WDR44: variants seen among roughly 807,000 people sequenced by gnomAD.
The protein encoded by WDR44 is WD repeat-containing protein 44.
In WDR44, 9 loss-of-function variants were observed where a neutral mutation model predicts 65.7. The observed-to-expected ratio is 0.14, with a 90% confidence interval of 0.08 to 0.24. The LOEUF (loss-of-function observed/expected upper bound fraction) is 0.24, where lower values mean the gene tolerates loss of function less well. WDR44 is among the 10% of genes least tolerant of loss of function. The pLI is 1.00. For missense variants in WDR44, 425 were observed against 670.9 expected (o/e 0.63, Z 4.05); for synonymous variants, 220 against 235.2 (o/e 0.94, Z 0.59).
intron 19 of WDR44, among the ~76,000 whole-genome samples, chrX:118,445,488 A>G (rs2057338395): frequency 8.9e-6 from 1 of 112,087 alleles, no homozygotes; most frequent in Admixed American, 9.5e-5. Context: ...ATGCTTGCCT[A>G]CACATAGTAG....
In WDR44 at chrX:118,389,380, C is replaced by G. The variant is rs777378533; in HGVS notation, c.186+1966C>G. Among the ~76,000 whole-genome samples, 7 of 111,695 alleles carry G rather than the reference C, an allele frequency of 6.3e-5. No individual in the cohort carries two copies. The South Asian group carries it at 2.6e-3, about 42-fold the overall frequency. On this transcript the variant is annotated intron_variant, in intron 3 of 19. Transcript: ENST00000254029. The stretch of plus-strand genomic sequence containing the variant: ...TTGGGGGTAGGAATGAAGATGACTT[C>G]ATGGAGGAGGTAGCATCTGAGCTGG...
At chrX:118,445,999 C>G (rs1569388822) in intron 19 of WDR44, among the ~76,000 whole-genome samples, 1 of 102,234 alleles carries the variant, frequency 9.8e-6, no homozygotes. Context: ...CACTGCACTC[C>G]AGCCTGGTGA....
intron 12 of WDR44, among the ~76,000 whole-genome samples, chrX:118,424,553 T>A (rs755386160): frequency 1.8e-5 from 2 of 108,641 alleles, no homozygotes; most frequent in African/African-American, 3.4e-5. Context: ...AATTTTGGGG[T>A]TTTTGACATT....
intron 12 of WDR44, among the ~76,000 whole-genome samples, chrX:118,425,357 G>A (rs1038626789): frequency 8.9e-6 from 1 of 112,126 alleles, no homozygotes; most frequent in Non-Finnish European, 1.9e-5. Context: ...CAAACTATAA[G>A]AAGATAAGGA....
At chrX:118,378,786 C>T (rs1385181988) in intron 2 of WDR44, among the ~76,000 whole-genome samples, 8 of 104,329 alleles carry the variant, frequency 7.7e-5, no homozygotes, top group Non-Finnish European at 1.9e-5. Flanking sequence ...GTAATCTCAA[C>T]ACATTGGGGG....
At chrX:118,442,471 T>C in intron 16 of WDR44, 94 bp from the exon 17 acceptor site, 1 of 915,363 alleles carries the variant, frequency 1.1e-6, no homozygotes, top group Non-Finnish European at 1.6e-6. Flanking sequence ...TTTTGAGGTA[T>C]ATTAGTTTGT....
intron 1 of WDR44, among the ~76,000 whole-genome samples, chrX:118,375,078 T>C (rs2056645686): frequency 8.9e-6 from 1 of 112,045 alleles, no homozygotes; most frequent in South Asian, 3.7e-4. Context: ...TTTCCATGTG[T>C]GTCAGTAATT....
intron 1 of WDR44, among the ~76,000 whole-genome samples, chrX:118,360,280 T>C (rs900898951): frequency 3.6e-5 from 4 of 112,458 alleles, no homozygotes; most frequent in African/African-American, 1.3e-4. Context: ...CATACCACAT[T>C]TTAAAAGCTG....
At chrX:118,383,790 G>C (rs1602898696) in intron 2 of WDR44, among the ~76,000 whole-genome samples, 1 of 97,939 alleles carries the variant, frequency 1.0e-5, no homozygotes, top group Admixed American at 1.2e-4. Flanking sequence ...TCTTAATGGT[G>C]ATCAGCTTCC....
At chrX:118,418,618 T>C (rs2057077491) in intron 12 of WDR44, among the ~76,000 whole-genome samples, 1 of 111,155 alleles carries the variant, frequency 9.0e-6, no homozygotes, top group Non-Finnish European at 1.9e-5. Flanking sequence ...GTGAGGGTTC[T>C]TAGCTTTGGT....
chrX:118,346,795 T>C (rs2147652457), intron 1 of WDR44, among the ~76,000 whole-genome samples: 1 of 110,712 alleles, frequency 9.0e-6, no homozygotes, highest in East Asian at 2.9e-4. Context: ...CCCGGCCGTT[T>C]CCCTACTGAA....
At chrX:118,397,391 C>T (rs934623552) in intron 7 of WDR44, among the ~76,000 whole-genome samples, 2 of 110,744 alleles carry the variant, frequency 1.8e-5, no homozygotes, top group Non-Finnish European at 3.8e-5. Context: ...GGCAGCCAGG[C>T]GTGATAGTTC....
At chrX:118,387,734 C>T (rs2056784033) in intron 3 of WDR44, among the ~76,000 whole-genome samples, 1 of 111,657 alleles carries the variant, frequency 9.0e-6, no homozygotes, top group Non-Finnish European at 1.9e-5. Flanking sequence ...AAGCTCAGTG[C>T]AGCAACATTC....
At chrX:118,352,333 TATATATA>T (rs2056414769) in intron 1 of WDR44, among the ~76,000 whole-genome samples, 2 of 17,008 alleles carry the variant, frequency 1.2e-4, no homozygotes, top group African/African-American at 9.2e-4. Flanking sequence ...TATATATATA[TATATATA>T]TATATATATA....
chrX:118,444,648 G>A (rs748076272), intron 19 of WDR44, among the ~76,000 whole-genome samples, 154 bp downstream of exon 19: 4 of 111,545 alleles, frequency 3.6e-5, no homozygotes, highest in South Asian at 3.7e-4. Flanking sequence ...AGGCTGGAGC[G>A]CAGTGACGCA....
chrX:118,392,251 G>A (rs774498004), intron 3 of WDR44, among the ~76,000 whole-genome samples: 3 of 112,071 alleles, frequency 2.7e-5, no homozygotes, highest in African/African-American at 9.7e-5. Context: ...ATATGTAAAT[G>A]AATCAGGATA....
At chrX:118,428,224 G>C (rs1042005205) in intron 12 of WDR44, among the ~76,000 whole-genome samples, 1 of 109,679 alleles carries the variant, frequency 9.1e-6, no homozygotes, top group African/African-American at 3.3e-5. Context: ...GGAGGCAGAG[G>C]TTGCAGTGAG....
At chrX:118,364,189 A>G (rs1363099552) in intron 1 of WDR44, among the ~76,000 whole-genome samples, 2 of 112,649 alleles carry the variant, frequency 1.8e-5, no homozygotes, top group Admixed American at 9.4e-5. Context: ...CTATTATGAC[A>G]GTCTACAATA....
At chrX:118,365,270 C>T (rs895850685) in intron 1 of WDR44, among the ~76,000 whole-genome samples, 19 of 112,004 alleles carry the variant, frequency 1.7e-4, no homozygotes, top group African/African-American at 5.8e-4. Context: ...TAAGCCATGT[C>T]TCTCCCATCG....
Sources: gnomAD v4.1 joint callset for allele counts (sites outside exome capture counted in the v4.1 genomes callset) on GRCh38, gnomAD v4.1.1 for gene constraint, MANE v1.5 for transcripts, NCBI Gene and HGNC (gene_info 2026-07-23, HGNC 2026-07-21) for gene names.